ARSG: variants seen among roughly 807,000 people sequenced by gnomAD.
ARSG encodes the protein arylsulfatase G, also known as ASG.
Under a neutral mutation model 50.5 loss-of-function variants are expected in ARSG, and 37 were observed. The ratio of observed to expected loss-of-function variants is 0.73; its 90% CI spans 0.56 to 0.96. The LOEUF (loss-of-function observed/expected upper bound fraction) is 0.96, where lower values mean the gene tolerates loss of function less well. Among genes scored for constraint, ARSG ranks in the 50% least tolerant of loss-of-function variants. The pLI, the probability that ARSG is intolerant of heterozygous loss-of-function variation, is 0.00. For missense variants in ARSG, 629 were observed against 675.3 expected (o/e 0.93, Z 0.76); for synonymous variants, 225 against 254.6 (o/e 0.88, Z 1.11).
At chr17:68,331,912 A>G (rs1276990951) in intron 2 of ARSG, among the ~76,000 whole-genome samples, 3 of 152,176 alleles carry the variant, frequency 2.0e-5, no homozygotes, top group Non-Finnish European at 4.4e-5. Context: ...GAGGTAATAG[A>G]ATATTACAAG....
At chr17:68,443,196 C>T in the ARSG span, among the ~76,000 whole-genome samples, 8 of 152,210 alleles carry the variant, frequency 5.3e-5, no homozygotes, top group Admixed American at 3.9e-4. Context: ...CTGAAGCCTC[C>T]GCCTCCTGGG....
chr17:68,439,069 G>A, the ARSG span, among the ~76,000 whole-genome samples: 25 of 152,130 alleles, frequency 1.6e-4, no homozygotes, highest in Middle Eastern at 3.2e-3. Context: ...GCTCTGGAAC[G>A]TTTAGCAGTT....
At chr17:68,444,410 G>A in the ARSG span, 316 of 1,314,624 alleles carry the variant, frequency 2.4e-4, no homozygotes, top group Middle Eastern at 5.5e-4. Context: ...CTTCACGTTC[G>A]CAATTTGGAG....
At chr17:68,334,539 A>G (rs2077926083) in intron 2 of ARSG, among the ~76,000 whole-genome samples, 1 of 151,892 alleles carries the variant, frequency 6.6e-6, no homozygotes, top group Admixed American at 6.6e-5. Context: ...AGCAACAACC[A>G]TTTTCTTAGA....
intron 9 of ARSG, among the ~76,000 whole-genome samples, chr17:68,390,926 CCTT>C (rs1468854547): frequency 4.1e-5 from 3 of 72,348 alleles, no homozygotes; most frequent in Non-Finnish European, 7.7e-5. Context: ...TGTGCCCGGT[CCTT>C]TTTTTTTTTT....
chr17:68,449,578 G>C, the ARSG span, among the ~76,000 whole-genome samples: 1 of 152,322 alleles, frequency 6.6e-6, no homozygotes, highest in South Asian at 2.1e-4. Flanking sequence ...GAGTGAGTGA[G>C]TTCTCACGAG....
At chr17:68,260,896 T>C (rs1171011088) in intron 1 of ARSG, among the ~76,000 whole-genome samples, 1 of 152,256 alleles carries the variant, frequency 6.6e-6, no homozygotes, top group Non-Finnish European at 1.5e-5. Flanking sequence ...ACAAAATCTA[T>C]TGAGGCAGTA....
chr17:68,343,229 T>C (rs1055104463), intron 2 of ARSG, among the ~76,000 whole-genome samples: 2 of 152,120 alleles, frequency 1.3e-5, no homozygotes, highest in South Asian at 2.1e-4. Flanking sequence ...TGCTCTTGGC[T>C]CTCCGCAACC....
chr17:68,293,920 C>T (rs1555757244), intron 1 of ARSG, among the ~76,000 whole-genome samples: 1 of 152,180 alleles, frequency 6.6e-6, no homozygotes, highest in Non-Finnish European at 1.5e-5. Context: ...ACCTTGTTCC[C>T]TCAATCCTAG....
Position 68,271,153 on chromosome 17 carries a change from A to G in ARSG, c.-552+11727A>G, listed in dbSNP as rs1455496159. On this transcript the variant is annotated intron_variant, in intron 1 of 11. Coordinates refer to the ARSG transcript ENST00000448504. The surrounding 1 kb of genome is among the most constrained non-coding windows in gnomAD (Gnocchi z 5.3). ...CCTTCCGAAAACTTCTGCAATGGCC[A>G]TCGTAGATAATAAAAAAGCAGCGCG... The G allele has an allele frequency of 2.2e-5, 36 of 1,614,192 alleles. No homozygotes were observed. Among genetic ancestry groups the G allele is most frequent in the Non-Finnish European group, 3.0e-5 (35 of 1,180,052 alleles).
downstream of ARSG, chr17:68,421,932 T>G (rs1160650982): frequency 2.8e-6 from 4 of 1,421,022 alleles, no homozygotes. Context: ...GGCTGGGCAC[T>G]GTGGAATTTT....
intron 1 of ARSG, among the ~76,000 whole-genome samples, chr17:68,296,794 T>C (rs1185161329): frequency 2.0e-5 from 3 of 152,166 alleles, no homozygotes; most frequent in Non-Finnish European, 4.4e-5. Context: ...ATAGTGTGTA[T>C]AGTTTAGTTC....
the ARSG span, among the ~76,000 whole-genome samples, chr17:68,428,021 G>C: frequency 6.6e-6 from 1 of 152,042 alleles, no homozygotes; most frequent in Admixed American, 6.6e-5. Context: ...CTCCCAAGTA[G>C]CTGGGACTAC....
At chr17:68,426,226 G>A (rs751757687), downstream of ARSG, 11 of 1,246,688 alleles carry the variant, frequency 8.8e-6, no homozygotes, top group Non-Finnish European at 1.2e-5. Flanking sequence ...CTGCTTTTAT[G>A]CCATGACCTG....
rs141718604 is a variant in ARSG, at chr17:68,271,605, G to A, written c.-552+12179G>A. ...CAATGTTTAACTGTAGTAGGCCCAC[G>A]AAGAGGAGGCTGTATCTCCAGCCAA... On this transcript the variant is annotated intron_variant, in intron 1 of 11. Coordinates refer to the ARSG transcript ENST00000448504. This position sits in a 1 kb window ranked among gnomAD's most constrained non-coding sequence, Gnocchi z 5.3. 11 of 1,613,920 alleles carry A rather than the reference G, an allele frequency of 6.8e-6. No individual in the cohort carries two copies. Among genetic ancestry groups the A allele is most frequent in the South Asian group, 2.2e-5 (2 of 91,082 alleles).
At chr17:68,416,377 G>A (rs1348731455) in intron 11 of ARSG, among the ~76,000 whole-genome samples, 1 of 152,166 alleles carries the variant, frequency 6.6e-6, no homozygotes, top group Admixed American at 6.5e-5. Context: ...GGTATCTGCT[G>A]TTAATCCTGA....
chr17:68,343,882 C>G, intron 3 of ARSG, 91 bp downstream of exon 3: 3 of 1,303,946 alleles, frequency 2.3e-6, no homozygotes, highest in Non-Finnish European at 3.2e-6. Flanking sequence ...GTCTGCTTTC[C>G]TGTTCATGTC....
At chr17:68,425,020 A>C (rs72841873), downstream of ARSG, among the ~76,000 whole-genome samples, 27 of 152,230 alleles carry the variant, frequency 1.8e-4, no homozygotes, top group Non-Finnish European at 3.8e-4. Flanking sequence ...AGGAAGCCCC[A>C]GCAGGCTCTC....
At chr17:68,436,366 G>C in the ARSG span, 1 of 1,612,482 alleles carries the variant, frequency 6.2e-7, no homozygotes, top group Non-Finnish European at 8.5e-7. Flanking sequence ...GCTCAGCCAG[G>C]TCACCGTCAA....
Sources: allele counts gnomAD v4.1 joint callset (sites outside exome capture counted in the v4.1 genomes callset), GRCh38; gene constraint gnomAD v4.1.1; non-coding constraint Gnocchi (gnomAD v3.1); transcripts MANE v1.5; gene names NCBI Gene and HGNC (gene_info 2026-07-23, HGNC 2026-07-21).